Variants in KDM1A observed in about 807,000 individuals in gnomAD.
The protein encoded by KDM1A is lysine-specific histone demethylase 1A.
In KDM1A, 49 loss-of-function variants were observed where a neutral mutation model predicts 109.4. The observed-to-expected ratio is 0.45, with a 90% CI of 0.36 to 0.57. The LOEUF (loss-of-function observed/expected upper bound fraction) is 0.57. Ranked by LOEUF, KDM1A falls within the 20% of genes least tolerant of loss-of-function variation. The pLI, the probability that KDM1A is intolerant of heterozygous loss-of-function variation, is 0.00. For missense variants in KDM1A, 668 were observed against 1,116.6 expected (o/e 0.60, Z 5.73); for synonymous variants, 380 against 415.4 (o/e 0.91, Z 1.04).
At chr1:23,058,892 A>T (rs1199229328) in intron 8 of KDM1A, among the ~76,000 whole-genome samples, 181 bp from the exon 9 acceptor site, 1 of 151,406 alleles carries the variant, frequency 6.6e-6, no homozygotes, top group Non-Finnish European at 1.5e-5. Flanking sequence ...ATTATAGGTA[A>T]TTTTTTTGCC....
At chr1:23,078,909 A>G (rs1643541163) in intron 16 of KDM1A, 81 bp from the exon 17 acceptor site, 2 of 1,176,016 alleles carry the variant, frequency 1.7e-6, no homozygotes, top group African/African-American at 1.5e-5. Context: ...ATGGATGTCC[A>G]TCTGTTGTAC....
rs1553130153 is a variant in KDM1A, at chr1:23,063,196, T to TGGCG, written c.1168-2862_1168-2861insCGGG. Among the ~76,000 whole-genome samples, 60 of 39,392 alleles carry TGGCG rather than the reference T, an allele frequency of 1.5e-3. 4 individuals carry two copies. Among genetic ancestry groups the TGGCG allele is most frequent in the African/African-American group, 3.7e-3 (53 of 14,134 alleles). The allele number at this position is 39,392 out of a possible 152,430, so 25.8% of individuals were successfully genotyped here. A position where few individuals can be genotyped will look rare whatever the true frequency, so the allele number is the denominator to read the frequency against. On this transcript the variant is annotated intron_variant, in intron 9 of 20. Coordinates refer to ENST00000400181, the MANE Select transcript of KDM1A (RefSeq NM_001009999.3). ...TCAAATTCCCACAGTGCTGTAGCATTGGGGGGGGGGTGTGGTGTGGGGTGG... is the reference window on the plus strand; with the variant it reads ...TCAAATTCCCACAGTGCTGTAGCATTGGCGGGGGGGGGGGTGTGGTGTGGGGTGG...
chr1:23,044,574 C>A, intron 3 of KDM1A, 88 bp downstream of exon 3: 1 of 1,134,322 alleles, frequency 8.8e-7, no homozygotes, highest in Non-Finnish European at 1.2e-6. Context: ...CTGTGGTATC[C>A]ACATTTTAGC....
intron 12 of KDM1A, among the ~76,000 whole-genome samples, chr1:23,070,575 G>C (rs1209762336): frequency 1.3e-5 from 2 of 152,120 alleles, no homozygotes; most frequent in African/African-American, 2.4e-5. Flanking sequence ...TTGGGAGGCC[G>C]AGGAGGGCAG....
At chr1:23,065,818 TC>T (rs1643146033) in intron 9 of KDM1A, among the ~76,000 whole-genome samples, 1 of 152,052 alleles carries the variant, frequency 6.6e-6, no homozygotes, top group Non-Finnish European at 1.5e-5. Flanking sequence ...TCCCCCTCAC[TC>T]CCCTGTCTTT....
At position 23,071,349 on chromosome 1, in the gene KDM1A, C is replaced by T; in HGVS notation, c.1538C>T (p.Ala513Val). The T allele has an allele frequency of 1.9e-6, 3 of 1,609,850 alleles. No individual in the cohort carries two copies. The South Asian group carries it at 3.3e-5, about 18-fold the overall frequency. Residue 513 changes from alanine to valine, a missense_variant, in exon 13 of 21, where the codon GCC becomes GTC. Physicochemically the swap from Ala to Val is moderately conservative, Grantham distance 64. This residue lies in a region of KDM1A where 162 missense variants were observed against 376.4 expected (regional missense o/e 0.43). Transcript: ENST00000400181. The stretch of plus-strand genomic sequence containing the variant: ...AAAAGCAAACACAGGGATCTGACCG[C>T]CCTATGCAAGGTGTGGTATACATAC... ...LVKSKHRDLT[A>V]LCKEYDELAE...
At chr1:23,068,459 A>C (rs1364027344) in intron 10 of KDM1A, 80 bp from the exon 11 acceptor site, 5 of 1,199,036 alleles carry the variant, frequency 4.2e-6, no homozygotes, top group Admixed American at 2.8e-5. Flanking sequence ...GACCTTTATA[A>C]ACTATAGAGC....
intron 15 of KDM1A, 32 bp downstream of exon 15, chr1:23,073,435 CAT>C (rs748243330): frequency 8.2e-7 from 1 of 1,218,506 alleles, no homozygotes; most frequent in African/African-American, 1.5e-5. Context: ...TTTTATTGCA[CAT>C]GCCTTTGAGA....
At chr1:23,068,796 T>G (rs1055087225) in intron 11 of KDM1A, 115 bp downstream of exon 11, 34 of 863,554 alleles carry the variant, frequency 3.9e-5, no homozygotes, top group Non-Finnish European at 5.5e-5. Context: ...TAATTTTGTA[T>G]GAAACCATTG....
intron 18 of KDM1A, chr1:23,081,150 A>G (rs1569830461): frequency 3.5e-6 from 1 of 282,632 alleles, no homozygotes; most frequent in East Asian, 7.9e-5. Context: ...ATTCCCTTTT[A>G]TTAGCAAGAT....
At chr1:23,050,322 C>T (rs182596928) in intron 3 of KDM1A, 65 bp from the exon 4 acceptor site, 15 of 1,478,966 alleles carry the variant, frequency 1.0e-5, no homozygotes, top group African/African-American at 4.3e-5. Flanking sequence ...GGAATTTAAG[C>T]GTCATCACTA....
intron 2 of KDM1A, among the ~76,000 whole-genome samples, chr1:23,032,180 A>C (rs1642003683): frequency 1.3e-5 from 2 of 152,092 alleles, no homozygotes; most frequent in African/African-American, 4.8e-5. Flanking sequence ...CTGACTTCTT[A>C]GTTCAAGGGC....
intron 13 of KDM1A, among the ~76,000 whole-genome samples, 164 bp downstream of exon 13, chr1:23,071,523 C>T (rs1357208282): frequency 2.6e-5 from 4 of 152,156 alleles, no homozygotes; most frequent in Admixed American, 2.0e-4. Flanking sequence ...TGGGTTAGTT[C>T]GGTTTAAGAC....
chr1:23,021,411 C>T (rs1294906462), intron 1 of KDM1A, among the ~76,000 whole-genome samples: 1 of 152,172 alleles, frequency 6.6e-6, no homozygotes, highest in Admixed American at 6.5e-5. Flanking sequence ...CCTGTAATCC[C>T]TGCACTTTGG....
chr1:23,039,976 G>A (rs1456256069), intron 2 of KDM1A, among the ~76,000 whole-genome samples: 4 of 152,186 alleles, frequency 2.6e-5, no homozygotes, highest in African/African-American at 4.8e-5. Context: ...CGTTAATACG[G>A]TAGAGACATA....
rs921438845 is a variant in KDM1A at position 23,082,501 on chromosome 1, A to T, written c.2445+135A>T. On this transcript the variant is annotated intron_variant, in intron 20 of 20. Transcript: ENST00000400181. ...TTTCAGATAACCAAGAGCAGAGTTAAAAGGATGGGCAGCATTTCTGATTTC... is the reference window on the plus strand; with the variant it reads ...TTTCAGATAACCAAGAGCAGAGTTATAAGGATGGGCAGCATTTCTGATTTC... 3 of 817,036 alleles carry T rather than the reference A, an allele frequency of 3.7e-6. No individual in the cohort carries two copies. In the African/African-American group the frequency reaches 5.2e-5, roughly 14 times the overall value. 50.6% of individuals were successfully genotyped at this position (817,036 alleles called of 1,614,324 possible). A position where few individuals can be genotyped will look rare whatever the true frequency, so the allele number is the denominator to read the frequency against.
At chr1:23,046,660 C>T (rs1476111879) in intron 3 of KDM1A, among the ~76,000 whole-genome samples, 2 of 152,196 alleles carry the variant, frequency 1.3e-5, no homozygotes, top group Non-Finnish European at 2.9e-5. Context: ...TAACCTACTT[C>T]AAAAGGTCTA....
chr1:23,022,302 AG>A (rs1169708733), intron 1 of KDM1A, among the ~76,000 whole-genome samples: 3 of 148,124 alleles, frequency 2.0e-5, no homozygotes, highest in African/African-American at 7.4e-5. Flanking sequence ...TGAGGGTTCC[AG>A]TTTCTCCAAT....
intron 2 of KDM1A, among the ~76,000 whole-genome samples, chr1:23,034,894 A>C (rs1399493210): frequency 6.6e-6 from 1 of 152,162 alleles, no homozygotes; most frequent in Non-Finnish European, 1.5e-5. Flanking sequence ...TAGAGACATC[A>C]GAAGTGTGTG....
Sources: gnomAD v4.1 joint callset for allele counts (sites outside exome capture counted in the v4.1 genomes callset) on GRCh38, gnomAD v4.1.1 for gene constraint, gnomAD v4.1.1 regional missense constraint, MANE v1.5 for transcripts, NCBI Gene and HGNC (gene_info 2026-07-23, HGNC 2026-07-21) for gene names.